The following IQCM variants were observed in gnomAD, a reference collection of about 807,000 sequenced individuals.
IQCM encodes the protein IQ domain-containing protein M.
IQCM carries 45 observed loss-of-function variants against 57.6 expected under a neutral mutation model. That is an observed-to-expected ratio of 0.78 (90% CI 0.62 to 1.00). The LOEUF (loss-of-function observed/expected upper bound fraction) is 1.00. IQCM is among the 50% of genes least tolerant of loss of function. The pLI is 0.00. For missense variants in IQCM, 468 were observed against 511.6 expected (o/e 0.91, Z 0.82); for synonymous variants, 148 against 158.9 (o/e 0.93, Z 0.51).
At chr4:149,367,357 G>A in intron 13 of IQCM, among the ~76,000 whole-genome samples, 1 of 151,868 alleles carries the variant, frequency 6.6e-6, no homozygotes, top group East Asian at 1.9e-4. Flanking sequence ...CTAAACTCTA[G>A]GAGAGTGTCC....
At chr4:149,395,622 A>T (rs115126986) in intron 13 of IQCM, among the ~76,000 whole-genome samples, 1 of 152,152 alleles carries the variant, frequency 6.6e-6, no homozygotes, top group Non-Finnish European at 1.5e-5. Flanking sequence ...CCCAACTGAC[A>T]TGTGGTTGTC....
intron 12 of IQCM, among the ~76,000 whole-genome samples, chr4:149,444,148 A>G (rs1390299169): frequency 6.6e-6 from 1 of 151,958 alleles, no homozygotes; most frequent in African/African-American, 2.4e-5. Context: ...GAAAGGCTAC[A>G]TATATTTATA....
chr4:149,619,842 C>T (rs986579495), intron 8 of IQCM, among the ~76,000 whole-genome samples: 16 of 151,870 alleles, frequency 1.1e-4, no homozygotes, highest in African/African-American at 3.9e-4. Flanking sequence ...AATATGACAC[C>T]AGGGATGCAT....
At chr4:149,694,070 C>T (rs756767047) in intron 5 of IQCM, among the ~76,000 whole-genome samples, 1 of 151,996 alleles carries the variant, frequency 6.6e-6, no homozygotes, top group African/African-American at 2.4e-5. Context: ...CTTATAATAC[C>T]CAGCACATTC....
At chr4:149,789,558 G>A (rs1009604506) in intron 2 of IQCM, among the ~76,000 whole-genome samples, 1 of 152,190 alleles carries the variant, frequency 6.6e-6, no homozygotes, top group Non-Finnish European at 1.5e-5. Flanking sequence ...AGTGGCTCAT[G>A]TCTGTCATCC....
intron 13 of IQCM, among the ~76,000 whole-genome samples, chr4:149,415,070 T>C (rs1377342367): frequency 6.6e-6 from 1 of 152,240 alleles, no homozygotes; most frequent in Non-Finnish European, 1.5e-5. Context: ...AAACTCACTT[T>C]ATATGACTTC....
chr4:149,518,572 C>T (rs1364700161), intron 12 of IQCM, among the ~76,000 whole-genome samples: 1 of 151,968 alleles, frequency 6.6e-6, no homozygotes, highest in Non-Finnish European at 1.5e-5. Context: ...TCACATGGGT[C>T]ATATAAAGTA....
At chr4:149,575,218 G>T (rs2149969797) in intron 9 of IQCM, among the ~76,000 whole-genome samples, 1 of 152,046 alleles carries the variant, frequency 6.6e-6, no homozygotes, top group South Asian at 2.1e-4. Context: ...GAACAAGTTT[G>T]TGGCCTACTT....
chr4:149,779,126 C>G (rs1771369995), intron 2 of IQCM, among the ~76,000 whole-genome samples: 1 of 152,112 alleles, frequency 6.6e-6, no homozygotes, highest in Non-Finnish European at 1.5e-5. Flanking sequence ...AAATTACACA[C>G]CATGATCAAG....
intron 8 of IQCM, among the ~76,000 whole-genome samples, chr4:149,600,855 A>G (rs1754209885): frequency 6.6e-6 from 1 of 152,188 alleles, no homozygotes. Context: ...TGAAAGCTCT[A>G]TTATCCAAAT....
At chr4:149,525,510 A>G (rs976360857) in intron 12 of IQCM, among the ~76,000 whole-genome samples, 1 of 151,916 alleles carries the variant, frequency 6.6e-6, no homozygotes, top group Non-Finnish European at 1.5e-5. Context: ...AATTTAATGT[A>G]CAAAGAATTA....
intron 7 of IQCM, among the ~76,000 whole-genome samples, chr4:149,654,510 T>C (rs976832005): frequency 4.6e-5 from 7 of 152,156 alleles, no homozygotes; most frequent in South Asian, 4.1e-4. Flanking sequence ...CCGCCATGAG[T>C]AAAAGCTTCC....
In IQCM at chr4:149,614,047, C is replaced by A. The variant is rs1755557611; in HGVS notation, c.681+7082G>T. On this transcript the variant is annotated intron_variant, in intron 8 of 13. Coordinates refer to ENST00000636793, the MANE Select transcript of IQCM (RefSeq NM_001363507.2). The stretch of plus-strand genomic sequence containing the variant: ...ACGAATGACCTGTTTTTATTTTTTT[C>A]ATGACCTAAACCTATGTTTTTTAAA... Among the ~76,000 whole-genome samples, 3 of 152,044 alleles carry A rather than the reference C, an allele frequency of 2.0e-5. No individual in the cohort carries two copies. In the South Asian group the frequency reaches 6.2e-4, roughly 32 times the overall value.
At chr4:149,555,225 T>C (rs1372583741) in intron 10 of IQCM, among the ~76,000 whole-genome samples, 11 of 152,170 alleles carry the variant, frequency 7.2e-5, no homozygotes, top group Non-Finnish European at 1.6e-4. Flanking sequence ...CAATAGGCTT[T>C]TGTCTTTTAA....
intron 13 of IQCM, among the ~76,000 whole-genome samples, chr4:149,377,054 A>G (rs1009318408): frequency 6.6e-6 from 1 of 152,158 alleles, no homozygotes; most frequent in African/African-American, 2.4e-5. Flanking sequence ...GTTTATAATA[A>G]TATTTTATAG....
intron 2 of IQCM, among the ~76,000 whole-genome samples, chr4:149,757,171 T>C (rs1208972049): frequency 1.3e-5 from 2 of 151,652 alleles, no homozygotes; most frequent in Non-Finnish European, 2.9e-5. Flanking sequence ...GGCAGGAGAA[T>C]GGCATGAACC....
intron 12 of IQCM, among the ~76,000 whole-genome samples, chr4:149,462,372 A>C (rs2149712098): frequency 6.6e-6 from 1 of 152,312 alleles, no homozygotes; most frequent in South Asian, 2.1e-4. Context: ...AATAATGATA[A>C]ATAACTACAC....
At chr4:149,407,086 T>C (rs1159573080) in intron 13 of IQCM, among the ~76,000 whole-genome samples, 1 of 152,002 alleles carries the variant, frequency 6.6e-6, no homozygotes, top group Admixed American at 6.6e-5. Context: ...TTTCCCCTTT[T>C]AAAGCCATCA....
At chr4:149,646,571 T>C (rs1477238971) in intron 7 of IQCM, among the ~76,000 whole-genome samples, 1 of 152,258 alleles carries the variant, frequency 6.6e-6, no homozygotes, top group Non-Finnish European at 1.5e-5. Context: ...ACAAACTTTT[T>C]ACTTCAACTT....
Sources: allele counts gnomAD v4.1 joint callset (sites outside exome capture counted in the v4.1 genomes callset), GRCh38; gene constraint gnomAD v4.1.1; transcripts MANE v1.5; gene names NCBI Gene and HGNC (gene_info 2026-07-23, HGNC 2026-07-21).